The following SPAG16 variants were observed in gnomAD, a reference collection of about 807,000 sequenced individuals.
SPAG16 encodes sperm-associated antigen 16 protein.
Under a neutral mutation model 80.4 loss-of-function variants are expected in SPAG16, and 86 were observed. That is an observed-to-expected ratio of 1.07 (90% CI 0.90 to 1.28). The LOEUF (loss-of-function observed/expected upper bound fraction) is 1.28, where lower values mean the gene tolerates loss of function less well. Among genes scored for constraint, SPAG16 ranks in the 50% most tolerant of loss-of-function variants. The probability of loss-of-function intolerance (pLI) is 0.00; values close to 1 mark genes in which losing one functional copy is unlikely to be tolerated. For synonymous variants in SPAG16, 294 were observed against 265.9 expected (o/e 1.11, Z -1.03); for missense variants, 870 against 765.3 (o/e 1.14, Z -1.61).
rs1287765969 is a variant in SPAG16 at position 213,859,216 on chromosome 2, ACT to A, written c.1071-3267_1071-3266del. ...AAAAAAAAAAAAAAAAAAAAAAAAA[ACT>A]CAATGTCCTCTGACAACTTGATGTA... is the stretch of plus-strand genomic sequence containing the variant. On this transcript the variant is annotated intron_variant, in intron 10 of 15. Transcript: ENST00000331683. Among the ~76,000 whole-genome samples, 145 of 92,026 alleles carry A rather than the reference ACT, an allele frequency of 1.6e-3. 21 individuals are homozygous for A. The highest frequency in any genetic ancestry group is 2.1e-3 in the Admixed American group (14 of 6,690). The allele number at this position is 92,026 out of a possible 152,430, so 60.4% of individuals were successfully genotyped here.
intron 9 of SPAG16, among the ~76,000 whole-genome samples, chr2:213,438,753 C>T (rs2070777471): frequency 6.6e-6 from 1 of 152,086 alleles, no homozygotes; most frequent in African/African-American, 2.4e-5. Context: ...TAATTAGTAC[C>T]CCCAATCAAC....
intron 11 of SPAG16, among the ~76,000 whole-genome samples, chr2:213,866,034 G>C (rs1448515634): frequency 6.6e-6 from 1 of 151,046 alleles, no homozygotes; most frequent in Non-Finnish European, 1.5e-5. Flanking sequence ...ACCTGGACTA[G>C]ATTAAAAACT....
chr2:213,345,573 G>C (rs2125003277), intron 6 of SPAG16, among the ~76,000 whole-genome samples: 1 of 128,656 alleles, frequency 7.8e-6, no homozygotes, highest in South Asian at 3.0e-4. Context: ...TGTGAGGAAG[G>C]GATCCAGTTT....
intron 6 of SPAG16, among the ~76,000 whole-genome samples, chr2:213,345,897 GT>G (rs1017261376): frequency 1.3e-5 from 2 of 152,252 alleles, no homozygotes; most frequent in East Asian, 1.9e-4. Context: ...CTTTAAAGTA[GT>G]TTTTTCCAGT....
chr2:213,468,536 T>TATATATATGTATTTATATATAGAG lies in SPAG16; in HGVS notation c.943-21419_943-21418insGTATTTATATATAGAGATATATAT, dbSNP rs1559163161. On this transcript the variant is annotated intron_variant, in intron 9 of 15. Coordinates refer to ENST00000331683, the MANE Select transcript of SPAG16 (RefSeq NM_024532.5). ...ATATATCTATGTATTTATATATAGA[T>TATATATATGTATTTATATATAGAG]ATATATATATGTATTTATATATAGA... Among the ~76,000 whole-genome samples the TATATATATGTATTTATATATAGAG allele has an allele frequency of 1.8e-3, 243 of 134,662 alleles. 3 individuals carry two copies. The highest frequency in any genetic ancestry group is 6.3e-3 in the African/African-American group (229 of 36,232). The allele number at this position is 134,662 out of a possible 152,430, so 88.3% of individuals were successfully genotyped here. A position where few individuals can be genotyped will look rare whatever the true frequency, so the allele number is the denominator to read the frequency against.
intron 15 of SPAG16, among the ~76,000 whole-genome samples, chr2:214,315,758 C>A (rs941804679): frequency 6.6e-6 from 1 of 152,078 alleles, no homozygotes; most frequent in African/African-American, 2.4e-5. Context: ...TCTCAAACTC[C>A]TAGACTCAAG....
At chr2:214,307,879 G>T (rs991310314) in intron 15 of SPAG16, among the ~76,000 whole-genome samples, 1 of 152,140 alleles carries the variant, frequency 6.6e-6, no homozygotes, top group Non-Finnish European at 1.5e-5. Flanking sequence ...TCTGTGTGGA[G>T]AGTTATGTAG....
At chr2:213,914,707 T>G (rs2106182934) in intron 11 of SPAG16, among the ~76,000 whole-genome samples, 1 of 152,202 alleles carries the variant, frequency 6.6e-6, no homozygotes, top group East Asian at 1.9e-4. Flanking sequence ...CAAATATACT[T>G]TATCAGCATA....
chr2:214,302,771 C>G (rs1694648232), intron 15 of SPAG16, among the ~76,000 whole-genome samples: 1 of 152,182 alleles, frequency 6.6e-6, no homozygotes, highest in South Asian at 2.1e-4. Context: ...GTGTGAGCCA[C>G]CGCGCCTGGC....
At chr2:213,571,356 G>T (rs1287942885) in intron 10 of SPAG16, among the ~76,000 whole-genome samples, 1 of 10,762 alleles carries the variant, frequency 9.3e-5, no homozygotes, top group Non-Finnish European at 1.5e-4. Flanking sequence ...ATTTTGGCAT[G>T]ATTTTGCAGC....
chr2:214,151,675 C>T (rs145525300), intron 15 of SPAG16, among the ~76,000 whole-genome samples: 1 of 152,176 alleles, frequency 6.6e-6, no homozygotes, highest in South Asian at 2.1e-4. Context: ...TTATGTCTAA[C>T]CATTTTTTCT....
chr2:213,382,212 AAATTAT>A (rs1406437174), intron 9 of SPAG16, among the ~76,000 whole-genome samples: 1 of 152,192 alleles, frequency 6.6e-6, no homozygotes, highest in Admixed American at 6.5e-5. Context: ...AGCACAATTT[AAATTAT>A]AATTCTTCCT....
At chr2:214,322,841 T>C (rs1696196953) in intron 15 of SPAG16, among the ~76,000 whole-genome samples, 1 of 152,270 alleles carries the variant, frequency 6.6e-6, no homozygotes, top group African/African-American at 2.4e-5. Context: ...CAGCAGCCAG[T>C]AGCCAAACTG....
chr2:214,084,200 C>T (rs2051568671), intron 13 of SPAG16, among the ~76,000 whole-genome samples: 1 of 152,138 alleles, frequency 6.6e-6, no homozygotes, highest in African/African-American at 2.4e-5. Flanking sequence ...TCAGTCTCTC[C>T]CCTCTCTAAG....
At chr2:213,365,878 C>T (rs1023803605) in intron 8 of SPAG16, among the ~76,000 whole-genome samples, 2 of 151,738 alleles carry the variant, frequency 1.3e-5, no homozygotes, top group African/African-American at 4.8e-5. Flanking sequence ...CACGGTGGCT[C>T]ACGCCTGTAA....
intron 13 of SPAG16, among the ~76,000 whole-genome samples, chr2:214,037,643 C>G (rs939333446): frequency 1.3e-5 from 2 of 151,980 alleles, no homozygotes; most frequent in East Asian, 3.8e-4. Flanking sequence ...ATGTTTCTAT[C>G]TGTGTCTTTT....
At chr2:213,978,951 C>T (rs1236455209) in intron 12 of SPAG16, among the ~76,000 whole-genome samples, 6 of 151,228 alleles carry the variant, frequency 4.0e-5, no homozygotes, top group East Asian at 1.9e-4. Context: ...TGGCTTTCCT[C>T]GGGAAGTAAT....
intron 10 of SPAG16, among the ~76,000 whole-genome samples, chr2:213,556,440 G>A (rs1409510764): frequency 2.6e-5 from 4 of 151,722 alleles, no homozygotes; most frequent in East Asian, 1.9e-4. Flanking sequence ...AAAAGATAGC[G>A]GGGATAGCTA....
chr2:213,578,725 T>G (rs760037499), intron 10 of SPAG16, among the ~76,000 whole-genome samples: 1 of 152,052 alleles, frequency 6.6e-6, no homozygotes, highest in Non-Finnish European at 1.5e-5. Context: ...TACATTAATA[T>G]GGAGACAGAT....
Sources: allele counts gnomAD v4.1 joint callset (sites outside exome capture counted in the v4.1 genomes callset), GRCh38; gene constraint gnomAD v4.1.1; transcripts MANE v1.5; gene names NCBI Gene and HGNC (gene_info 2026-07-23, HGNC 2026-07-21).